SEMA6D: variants seen among roughly 807,000 people sequenced by gnomAD.
The protein encoded by SEMA6D is semaphorin-6D.
In SEMA6D, 35 loss-of-function variants were observed where a neutral mutation model predicts 106.6. The observed-to-expected ratio is 0.33, with a 90% CI of 0.25 to 0.44. SEMA6D has a LOEUF of 0.44. Among genes scored for constraint, SEMA6D ranks in the 20% least tolerant of loss-of-function variants. The probability of loss-of-function intolerance (pLI) is 1.00; values close to 1 mark genes in which losing one functional copy is unlikely to be tolerated. For synonymous variants in SEMA6D, 499 were observed against 487.7 expected (o/e 1.02, Z -0.31); for missense variants, 1,185 against 1,345.9 (o/e 0.88, Z 1.87).
chr15:47,760,857 A>T (rs1739194921), intron 3 of SEMA6D, 121 bp from the exon 4 acceptor site: 1 of 853,290 alleles, frequency 1.2e-6, no homozygotes, highest in Non-Finnish European at 1.8e-6. Flanking sequence ...TTTGTTTGAG[A>T]CAGAGAAAAT....
At chr15:47,571,695 C>T (rs2046387277) in intron 3 of SEMA6D, among the ~76,000 whole-genome samples, 1 of 152,142 alleles carries the variant, frequency 6.6e-6, no homozygotes, top group South Asian at 2.1e-4. Flanking sequence ...ATGTAGGCCT[C>T]ATTGGATAAT....
At chr15:47,581,419 T>A (rs919641388) in intron 3 of SEMA6D, 2 of 484,778 alleles carry the variant, frequency 4.1e-6, no homozygotes, top group Non-Finnish European at 8.2e-6. Context: ...TTGAGAAAAG[T>A]AAATCAGGGA....
Position 47,552,853 on chromosome 15 carries a change from A to T in SEMA6D, c.-86-48012A>T, listed in dbSNP as rs11630599. Reference sequence around the variant, plus strand: ...TTTTATATATATATAAATATATATAAATATATATATATTTTTATATATATA... The same window carrying T: ...TTTTATATATATATAAATATATATATATATATATATATTTTTATATATATA... On this transcript the variant is annotated intron_variant, in intron 3 of 19. Coordinates refer to the SEMA6D transcript ENST00000558014. Among the ~76,000 whole-genome samples, 302 of 66,806 alleles carry T rather than the reference A, an allele frequency of 4.5e-3. 4 individuals carry two copies. Among genetic ancestry groups the T allele is most frequent in the Non-Finnish European group, 6.1e-3 (265 of 43,272 alleles). The allele number at this position is 66,806 out of a possible 152,430, so 43.8% of individuals were successfully genotyped here.
chr15:47,691,286 G>A (rs1233436824), intron 4 of SEMA6D, among the ~76,000 whole-genome samples: 1 of 152,138 alleles, frequency 6.6e-6, no homozygotes, highest in Non-Finnish European at 1.5e-5. Context: ...ACCCATGATA[G>A]TAATCACTTT....
At chr15:47,348,725 C>CAAAGAGAGAGAGAG (rs1398441234) in intron 1 of SEMA6D, among the ~76,000 whole-genome samples, 1 of 47,700 alleles carries the variant, frequency 2.1e-5, no homozygotes, top group East Asian at 1.1e-3. Flanking sequence ...ACACCACACA[C>CAAAGAGAGAGAGAG]ACAGAGAGAG....
intron 1 of SEMA6D, among the ~76,000 whole-genome samples, chr15:47,221,460 A>G (rs890381422): frequency 4.6e-5 from 7 of 152,158 alleles, no homozygotes; most frequent in Non-Finnish European, 5.9e-5. Flanking sequence ...TTCCTTCATC[A>G]AAGTCTGTTC....
At position 47,768,481 on chromosome 15, in the gene SEMA6D, TC is replaced by T. The variant is rs571441631; in HGVS notation, c.1766-99del. ...TTTTACAAAATCCTAGAGCAAACTT[TC>T]TCATAAAATTTACTCAAACTTTATT... On this transcript the variant is annotated intron_variant, in intron 17 of 18. Coordinates refer to ENST00000536845, the MANE Select transcript of SEMA6D (RefSeq NM_001358351.3). 581 of 1,049,384 alleles carry T rather than the reference TC, an allele frequency of 5.5e-4. 2 individuals are homozygous for T. In the African/African-American group the frequency reaches 8.3e-3, roughly 15 times the overall value. The allele number at this position is 1,049,384 out of a possible 1,614,324, so 65.0% of individuals were successfully genotyped here.
chr15:47,689,487 G>C (rs2078538942), intron 4 of SEMA6D, among the ~76,000 whole-genome samples: 1 of 152,326 alleles, frequency 6.6e-6, no homozygotes, highest in East Asian at 1.9e-4. Context: ...GGAATCCTGG[G>C]CTTATAAATC....
chr15:47,595,129 G>T (rs1036360728), intron 3 of SEMA6D, among the ~76,000 whole-genome samples: 2 of 152,124 alleles, frequency 1.3e-5, no homozygotes, highest in African/African-American at 4.8e-5. Context: ...TCAAATGTTG[G>T]TCTAGTAAAA....
intron 1 of SEMA6D, among the ~76,000 whole-genome samples, chr15:47,325,054 C>G (rs1374728249): frequency 6.6e-6 from 1 of 152,118 alleles, no homozygotes; most frequent in Non-Finnish European, 1.5e-5. Context: ...GGCACTTCCC[C>G]CAACTTATTC....
At chr15:47,323,715 C>G (rs1370428190) in intron 1 of SEMA6D, among the ~76,000 whole-genome samples, 1 of 152,202 alleles carries the variant, frequency 6.6e-6, no homozygotes, top group East Asian at 1.9e-4. Context: ...TTGTCTGTCT[C>G]CTGTCACTGT....
intron 1 of SEMA6D, among the ~76,000 whole-genome samples, chr15:47,328,873 T>C (rs2037233319): frequency 6.6e-6 from 1 of 152,242 alleles, no homozygotes; most frequent in African/African-American, 2.4e-5. Flanking sequence ...TAATCTTCAG[T>C]ATCTTCTCAG....
chr15:47,455,498 GACCGCTGCC>G (rs1270612605), intron 2 of SEMA6D, among the ~76,000 whole-genome samples: 1 of 151,920 alleles, frequency 6.6e-6, no homozygotes. Context: ...ACGTAAGTGG[GACCGCTGCC>G]TTCCATTGAT....
intron 4 of SEMA6D, among the ~76,000 whole-genome samples, chr15:47,653,837 G>A (rs2077740048): frequency 1.3e-5 from 2 of 152,174 alleles, no homozygotes; most frequent in African/African-American, 4.8e-5. Flanking sequence ...ATGAACGAAT[G>A]GAAAATTAAT....
chr15:47,259,189 A>T (rs1249085346), intron 1 of SEMA6D, among the ~76,000 whole-genome samples: 1 of 152,164 alleles, frequency 6.6e-6, no homozygotes, highest in Non-Finnish European at 1.5e-5. Context: ...ATCAAATCTG[A>T]TTTACAAAAA....
chr15:47,520,561 A>T (rs747303962), intron 3 of SEMA6D, among the ~76,000 whole-genome samples: 5 of 152,240 alleles, frequency 3.3e-5, no homozygotes, highest in Non-Finnish European at 7.3e-5. Context: ...ACCTGTCAGA[A>T]TACATTGCAA....
rs191026664 is a variant in SEMA6D at position 47,281,888 on chromosome 15, A to C, written c.-239+97470A>C. 3.3e-5 allele frequency among the ~76,000 whole-genome samples: 5 copies of C among 152,216 alleles called. No individual in the cohort carries two copies. The East Asian group carries it at 9.7e-4, about 29-fold the overall frequency. The stretch of plus-strand genomic sequence containing the variant: ...GATACATCTAAATATAGATATTTTT[A>C]TCCCAATTTTACAAATAAGGATATT... On this transcript the variant is annotated intron_variant, in intron 1 of 19. Coordinates refer to the SEMA6D transcript ENST00000558014.
At chr15:47,239,548 G>C (rs1437382079) in intron 1 of SEMA6D, among the ~76,000 whole-genome samples, 1 of 152,152 alleles carries the variant, frequency 6.6e-6, no homozygotes, top group Non-Finnish European at 1.5e-5. Flanking sequence ...GAGCAGACAG[G>C]ATTGAGAAAC....
At chr15:47,309,677 A>AC (rs1201094048) in intron 1 of SEMA6D, among the ~76,000 whole-genome samples, 1 of 152,188 alleles carries the variant, frequency 6.6e-6, no homozygotes, top group Non-Finnish European at 1.5e-5. Context: ...ACTACTGTAC[A>AC]CCTGACATAC....
Sources: allele counts gnomAD v4.1 joint callset (sites outside exome capture counted in the v4.1 genomes callset), GRCh38; gene constraint gnomAD v4.1.1; transcripts MANE v1.5; gene names NCBI Gene and HGNC (gene_info 2026-07-23, HGNC 2026-07-21).